ZC3HAV1: variants seen among roughly 807,000 people sequenced by gnomAD.
The protein encoded by ZC3HAV1 is zinc finger CCCH-type antiviral protein 1.
ZC3HAV1 carries 41 observed loss-of-function variants against 86.6 expected under a neutral mutation model. The ratio of observed to expected loss-of-function variants is 0.47; its 90% CI spans 0.37 to 0.61. ZC3HAV1 has a LOEUF of 0.61. Ranked by LOEUF, ZC3HAV1 falls within the 20% of genes least tolerant of loss-of-function variation. The pLI is 0.00. For missense variants in ZC3HAV1, 964 were observed against 1,141.1 expected (o/e 0.84, Z 2.24); for synonymous variants, 421 against 432.1 (o/e 0.97, Z 0.32).
At chr7:139,085,047 C>T (rs1377835146) in intron 2 of ZC3HAV1, among the ~76,000 whole-genome samples, 2 of 152,192 alleles carry the variant, frequency 1.3e-5, no homozygotes, top group African/African-American at 2.4e-5. Context: ...AGACTCTAGA[C>T]CAGCAATTCT....
chr7:139,094,708 T>C (rs1817533712), intron 1 of ZC3HAV1, among the ~76,000 whole-genome samples: 1 of 152,218 alleles, frequency 6.6e-6, no homozygotes, highest in African/African-American at 2.4e-5. Context: ...TTCTCATTCC[T>C]GGCTACACAT....
rs186714685 is a variant in ZC3HAV1, at chr7:139,078,282, A to G, written c.1573+270T>C. Among the ~76,000 whole-genome samples the G allele has an allele frequency of 7.9e-5, 12 of 152,260 alleles. No homozygotes were observed. The East Asian group carries it at 2.3e-3, about 29-fold the overall frequency. On this transcript the variant is annotated intron_variant, in intron 5 of 12. Coordinates refer to ENST00000242351, the MANE Select transcript of ZC3HAV1 (RefSeq NM_020119.4). ...AGGCAAACAAACACACACAAAAAGA[A>G]CAAGTGTTGGTGAGGATGTGGAGAA...
intron 3 of ZC3HAV1, among the ~76,000 whole-genome samples, chr7:139,082,527 C>T (rs931173013): frequency 1.2e-4 from 19 of 152,082 alleles, no homozygotes; most frequent in African/African-American, 4.6e-4. Flanking sequence ...AAAACAGGGT[C>T]TCAAAGTGGT....
intron 7 of ZC3HAV1, among the ~76,000 whole-genome samples, chr7:139,069,924 C>T (rs546601423): frequency 3.3e-5 from 5 of 152,280 alleles, no homozygotes; most frequent in East Asian, 1.9e-4. Context: ...CTAGCCTGTA[C>T]GCTGGCTCAA....
chr7:139,070,995 G>T (rs1816756849), intron 7 of ZC3HAV1, among the ~76,000 whole-genome samples: 1 of 150,836 alleles, frequency 6.6e-6, no homozygotes, highest in African/African-American at 2.4e-5. Flanking sequence ...AAAAAAAAAA[G>T]CTCAGGAAGT....
intron 6 of ZC3HAV1, 64 bp from the exon 7 acceptor site, chr7:139,074,094 C>A: frequency 6.7e-7 from 1 of 1,498,026 alleles, no homozygotes; most frequent in South Asian, 1.2e-5. Context: ...ACAATCTCGT[C>A]TTCCCTAATG....
At chr7:139,063,435 G>A (rs541775348) in intron 8 of ZC3HAV1, among the ~76,000 whole-genome samples, 27 of 151,996 alleles carry the variant, frequency 1.8e-4, no homozygotes, top group Middle Eastern at 3.4e-3. Flanking sequence ...TAAATTTGGG[G>A]TTCTGGCTGA....
chr7:139,100,451 G>A (rs1021876100), intron 1 of ZC3HAV1, among the ~76,000 whole-genome samples: 2 of 151,574 alleles, frequency 1.3e-5, no homozygotes, highest in African/African-American at 4.9e-5. Context: ...GCAGAATGGC[G>A]TGAACCCAGG....
At position 139,073,992 on chromosome 7, in the gene ZC3HAV1, A is replaced by G. The variant is rs1441020851; in HGVS notation, c.1736T>C (p.Met579Thr). 2 of 1,613,610 alleles carry G rather than the reference A, an allele frequency of 1.2e-6. No individual in the cohort carries two copies. Among genetic ancestry groups the G allele is most frequent in the Non-Finnish European group, 1.7e-6 (2 of 1,179,584 alleles). The change falls in exon 7 of 13, where the codon ATG becomes ACG. Residue 579 changes from methionine to threonine, a missense_variant. By Grantham distance (81) the Met-to-Thr change is moderately conservative. Transcript: ENST00000242351. ...VGSYTINFRV[M>T]SCDSFPIRRL... The stretch of plus-strand genomic sequence containing the variant: ...TCGGATGGGAAAGGAATCACAACTC[A>G]TTACCCGAAAATTGATTGTATAACT...
At chr7:139,106,887 T>G (rs923846929) in intron 1 of ZC3HAV1, among the ~76,000 whole-genome samples, 1 of 126,066 alleles carries the variant, frequency 7.9e-6, no homozygotes, top group African/African-American at 2.5e-5. Flanking sequence ...ACATGGGGAA[T>G]AGGGAGAATA....
rs1313616467 is a variant in ZC3HAV1, at chr7:139,079,579, G to T, written c.1362C>A (p.His454Gln). 5.0e-6 allele frequency: 8 copies of T among 1,614,038 alleles called. No homozygotes were observed. Among genetic ancestry groups the T allele is most frequent in the Non-Finnish European group, 6.8e-6 (8 of 1,180,034 alleles). ...SLNYKSTSSG[H>Q]REISSPRIQD... Reference sequence around the variant, plus strand: ...GAATCCTAGGTGATGATATTTCTCTGTGACCGCTGCTAGTGCTTTTGTAAT... The same window carrying T: ...GAATCCTAGGTGATGATATTTCTCTTTGACCGCTGCTAGTGCTTTTGTAAT... Residue 454 changes from histidine (H) to glutamine (Q), a missense_variant, in exon 4 of 13, where the codon CAC (histidine) becomes CAA (glutamine). Transcript: ENST00000242351.
chr7:139,100,509 G>A (rs991904986), intron 1 of ZC3HAV1, among the ~76,000 whole-genome samples: 3 of 151,940 alleles, frequency 2.0e-5, no homozygotes, highest in Non-Finnish European at 4.4e-5. Flanking sequence ...ACTCCAGCCT[G>A]GGCGACAGAC....
At chr7:139,074,881 C>T (rs1816889418) in intron 6 of ZC3HAV1, among the ~76,000 whole-genome samples, 1 of 151,894 alleles carries the variant, frequency 6.6e-6, no homozygotes, top group Admixed American at 6.6e-5. Flanking sequence ...AGCTATATTC[C>T]ACACAAACAG....
At chr7:139,066,581 T>C (rs1816613621) in intron 7 of ZC3HAV1, among the ~76,000 whole-genome samples, 2 of 152,218 alleles carry the variant, frequency 1.3e-5, no homozygotes, top group Admixed American at 6.5e-5. Flanking sequence ...ATCATGAAGA[T>C]GCTTGTTGCC....
chr7:139,080,354 G>C, intron 3 of ZC3HAV1, 111 bp from the exon 4 acceptor site: 1 of 1,317,204 alleles, frequency 7.6e-7, no homozygotes, highest in Non-Finnish European at 1.1e-6. Flanking sequence ...CTATCCAAGT[G>C]CTATCAAATT....
chr7:139,073,270 G>A (rs1265271032), intron 7 of ZC3HAV1, among the ~76,000 whole-genome samples: 1 of 151,892 alleles, frequency 6.6e-6, no homozygotes, highest in Non-Finnish European at 1.5e-5. Flanking sequence ...TTGCACTCCA[G>A]CATGGGTGAT....
intron 9 of ZC3HAV1, 39 bp downstream of exon 9, chr7:139,060,997 C>G: frequency 6.2e-7 from 1 of 1,612,232 alleles, no homozygotes; most frequent in Non-Finnish European, 8.5e-7. Flanking sequence ...ATGAACATCT[C>G]AAGCATCTGT....
At chr7:139,082,885 A>T (rs1397034227) in intron 3 of ZC3HAV1, among the ~76,000 whole-genome samples, 6 of 149,246 alleles carry the variant, frequency 4.0e-5, no homozygotes, top group African/African-American at 9.9e-5. Flanking sequence ...GTTTTTTTTT[A>T]AAGAAATGGC....
chr7:139,068,729 T>C (rs1392156769), intron 7 of ZC3HAV1, among the ~76,000 whole-genome samples: 3 of 152,208 alleles, frequency 2.0e-5, no homozygotes, highest in Non-Finnish European at 2.9e-5. Flanking sequence ...GCCCTCACAC[T>C]GCACTTGTCA....
Sources: allele counts gnomAD v4.1 joint callset (sites outside exome capture counted in the v4.1 genomes callset), GRCh38; gene constraint gnomAD v4.1.1; transcripts MANE v1.5; gene names NCBI Gene and HGNC (gene_info 2026-07-23, HGNC 2026-07-21).